MED27: variants seen among roughly 807,000 people sequenced by gnomAD.
The protein encoded by MED27 is mediator complex subunit 27.
A neutral mutation model predicts 38.2 loss-of-function variants in MED27; 30 were observed. The observed-to-expected ratio is 0.79, with a 90% CI of 0.59 to 1.07. MED27 has a LOEUF of 1.07. Ranked by LOEUF, MED27 falls within the 50% of genes least tolerant of loss-of-function variation. MED27 has a pLI of 0.00. For synonymous variants in MED27, 122 were observed against 153.5 expected, an observed-to-expected ratio of 0.79 and a Z score of 1.52; for missense variants, 289 against 397.5, an observed-to-expected ratio of 0.73 and a Z score of 2.32.
At chr9:131,975,875 C>A (rs1329960305) in intron 3 of MED27, among the ~76,000 whole-genome samples, 1 of 152,180 alleles carries the variant, frequency 6.6e-6, no homozygotes, top group East Asian at 1.9e-4. Flanking sequence ...AGGAATTCTG[C>A]CAGCTCTCCA....
At chr9:131,869,391 CAAA>C (rs10657924) in intron 6 of MED27, 395 of 922,886 alleles carry the variant, frequency 4.3e-4, no homozygotes, top group Non-Finnish European at 4.7e-4. Context: ...AGGCCTGGGG[CAAA>C]AAAAAAAAAA....
At chr9:132,022,818 A>C (rs1292987197) in intron 2 of MED27, among the ~76,000 whole-genome samples, 4 of 152,176 alleles carry the variant, frequency 2.6e-5, no homozygotes, top group Non-Finnish European at 2.9e-5. Flanking sequence ...CAGGAGAAAG[A>C]AGCAAGCAAA....
chr9:131,882,290 C>T (rs747933463), intron 6 of MED27, among the ~76,000 whole-genome samples: 16 of 152,194 alleles, frequency 1.1e-4, no homozygotes, highest in African/African-American at 2.4e-4. Flanking sequence ...TGGTCCATGA[C>T]GCCCCTCTGA....
At chr9:132,000,986 G>C (rs1832218761) in intron 3 of MED27, among the ~76,000 whole-genome samples, 1 of 152,076 alleles carries the variant, frequency 6.6e-6, no homozygotes, top group Admixed American at 6.5e-5. Flanking sequence ...TGTAGTCTCA[G>C]CTACTTGGGA....
At chr9:131,881,390 A>G (rs1314897906) in intron 6 of MED27, among the ~76,000 whole-genome samples, 1 of 152,008 alleles carries the variant, frequency 6.6e-6, no homozygotes, top group African/African-American at 2.4e-5. Flanking sequence ...TCCTTCCTTT[A>G]TGCTTCAGAC....
intron 2 of MED27, among the ~76,000 whole-genome samples, chr9:132,068,160 C>T (rs968592627): frequency 1.3e-5 from 2 of 152,092 alleles, no homozygotes; most frequent in East Asian, 1.9e-4. Flanking sequence ...GGGCTGCTAA[C>T]GGTCAACAGG....
At chr9:131,900,278 T>C (rs1441607998) in intron 4 of MED27, among the ~76,000 whole-genome samples, 1 of 152,236 alleles carries the variant, frequency 6.6e-6, no homozygotes, top group South Asian at 2.1e-4. Context: ...CCGAAACCAG[T>C]GGTCTTCTCT....
At chr9:131,906,600 C>T (rs1320263573) in intron 4 of MED27, among the ~76,000 whole-genome samples, 1 of 152,174 alleles carries the variant, frequency 6.6e-6, no homozygotes, top group Non-Finnish European at 1.5e-5. Context: ...TTTAAAGGAA[C>T]ACCTTCCTGG....
chr9:131,940,456 C>T (rs1363435028), intron 3 of MED27, among the ~76,000 whole-genome samples: 1 of 151,832 alleles, frequency 6.6e-6, no homozygotes, highest in Non-Finnish European at 1.5e-5. Flanking sequence ...TGCTCTATTG[C>T]CCAGGCTGGA....
chr9:131,961,162 A>G (rs952797012), intron 3 of MED27, among the ~76,000 whole-genome samples: 5 of 152,226 alleles, frequency 3.3e-5, no homozygotes, highest in African/African-American at 1.2e-4. Context: ...TTAACCCTCC[A>G]AAGTAAGTGA....
chr9:131,867,201 G>A (rs1032534309), intron 6 of MED27, among the ~76,000 whole-genome samples: 6 of 152,168 alleles, frequency 3.9e-5, no homozygotes, highest in Non-Finnish European at 7.4e-5. Context: ...GACTCTCTGC[G>A]GGGAGAGTGG....
chr9:132,008,741 C>T (rs1312243920), intron 3 of MED27, among the ~76,000 whole-genome samples: 2 of 152,208 alleles, frequency 1.3e-5, no homozygotes, highest in African/African-American at 4.8e-5. Context: ...TTTGCTGTAG[C>T]AGCCTTAGTG....
chr9:132,048,982 A>T (rs374411980), intron 2 of MED27, among the ~76,000 whole-genome samples: 6 of 152,366 alleles, frequency 3.9e-5, no homozygotes, highest in South Asian at 4.1e-4. Context: ...CACAAAGTCA[A>T]CTATGGAACT....
chr9:131,979,877 C>T (rs914627152), intron 3 of MED27, among the ~76,000 whole-genome samples: 4 of 131,972 alleles, frequency 3.0e-5, no homozygotes, highest in South Asian at 2.5e-4. Flanking sequence ...AACTCACCCT[C>T]GAGATTCTAT....
In MED27 at chr9:132,040,022, A is replaced by G. The variant is rs763205813; in HGVS notation, c.349-25555T>C. On this transcript the variant is annotated intron_variant, in intron 2 of 7. Coordinates refer to ENST00000292035, the MANE Select transcript of MED27 (RefSeq NM_004269.4). ...AGTGGGACATTTTGATAAAGAGAAA[A>G]TACACAATATTCCCCTTTCACATAC... 2.6e-4 allele frequency among the ~76,000 whole-genome samples: 39 copies of G among 152,348 alleles called. 1 individual carries two copies. The highest frequency in any genetic ancestry group is 2.1e-3 in the South Asian group (10 of 4,830).
At chr9:131,986,999 A>ATTTTTTTT (rs66519112) in intron 3 of MED27, among the ~76,000 whole-genome samples, 4 of 46,254 alleles carry the variant, frequency 8.6e-5, no homozygotes, top group East Asian at 8.6e-4. Context: ...GAGTTCATGG[A>ATTTTTTTT]TTTTTTTTTT....
At chr9:131,900,255 C>T (rs907873904) in intron 4 of MED27, among the ~76,000 whole-genome samples, 2 of 152,244 alleles carry the variant, frequency 1.3e-5, no homozygotes. Flanking sequence ...GCACTCTGGG[C>T]AGCGAGCGGG....
intron 2 of MED27, among the ~76,000 whole-genome samples, chr9:132,060,436 T>C (rs1833672480): frequency 6.6e-6 from 1 of 152,168 alleles, no homozygotes; most frequent in African/African-American, 2.4e-5. Context: ...TCAAAGGCCT[T>C]TCTCATCAGT....
intron 6 of MED27, among the ~76,000 whole-genome samples, chr9:131,876,229 C>T (rs538017818): frequency 3.0e-4 from 46 of 152,316 alleles, no homozygotes; most frequent in African/African-American, 1.1e-3. Flanking sequence ...CACTGCAGCC[C>T]GCACAACCCT....
Sources: gnomAD v4.1 joint callset for allele counts (sites outside exome capture counted in the v4.1 genomes callset) on GRCh38, gnomAD v4.1.1 for gene constraint, MANE v1.5 for transcripts, NCBI Gene and HGNC (gene_info 2026-07-23, HGNC 2026-07-21) for gene names.